SPEF2: variants seen among roughly 807,000 people sequenced by gnomAD.
SPEF2 encodes sperm flagella and cilia-associated protein 2.
A neutral mutation model predicts 224.6 loss-of-function variants in SPEF2; 187 were observed. That is an observed-to-expected ratio of 0.83 (90% confidence interval 0.74 to 0.94). The LOEUF is 0.94. Among genes scored for constraint, SPEF2 ranks in the 40% least tolerant of loss-of-function variants. The probability of loss-of-function intolerance (pLI) is 0.00; values close to 1 mark genes in which losing one functional copy is unlikely to be tolerated. For missense variants in SPEF2, 2,170 were observed against 2,135.6 expected (o/e 1.02, Z -0.32); for synonymous variants, 715 against 707.3 (o/e 1.01, Z -0.17).
At chr5:35,807,083 C>T in intron 35 of SPEF2, 48 bp from the exon 36 acceptor site, 1 of 1,583,976 alleles carries the variant, frequency 6.3e-7, no homozygotes, top group Non-Finnish European at 8.5e-7. Flanking sequence ...TTTTTAACAT[C>T]TACTGGATTG....
intron 30 of SPEF2, chr5:35,789,663 G>A (rs536235523): frequency 7.2e-5 from 46 of 637,114 alleles, no homozygotes; most frequent in Admixed American, 1.6e-4. Context: ...GAGGGCTACC[G>A]TGATTGGAAG....
chr5:35,673,695 G>GTTTTTTGCC (rs1751494552), intron 10 of SPEF2, among the ~76,000 whole-genome samples: 2 of 152,138 alleles, frequency 1.3e-5, no homozygotes, highest in Non-Finnish European at 2.9e-5. Flanking sequence ...GCAAATTAGT[G>GTTTTTTGCC]TTTAAGTTCA....
chr5:35,743,517 A>T (rs1359855906), intron 23 of SPEF2, among the ~76,000 whole-genome samples: 2 of 152,184 alleles, frequency 1.3e-5, no homozygotes, highest in Non-Finnish European at 2.9e-5. Flanking sequence ...TTAGCAGTGG[A>T]TCTTCAGCAA....
At chr5:35,731,786 A>G (rs1745683077) in intron 21 of SPEF2, among the ~76,000 whole-genome samples, 1 of 152,174 alleles carries the variant, frequency 6.6e-6, no homozygotes, top group Non-Finnish European at 1.5e-5. Context: ...CAAAGGGAAA[A>G]CTATTTAATT....
At chr5:35,647,098 C>T (rs1747482810) in intron 5 of SPEF2, among the ~76,000 whole-genome samples, 1 of 152,196 alleles carries the variant, frequency 6.6e-6, no homozygotes, top group Admixed American at 6.5e-5. Flanking sequence ...CAAAGTAGGT[C>T]AGAATGGGTG....
chr5:35,768,062 T>C lies in SPEF2; in HGVS notation c.3802-3547T>C, dbSNP rs73086287. On this transcript the variant is annotated intron_variant, in intron 26 of 36. Coordinates refer to ENST00000356031, the MANE Select transcript of SPEF2 (RefSeq NM_024867.4). ...TGTTATTGTTGTTGTTGTTTTGTAATCTGTATTTTGTTAGTTGTTAGTCTG... is the reference window on the plus strand; with the variant it reads ...TGTTATTGTTGTTGTTGTTTTGTAACCTGTATTTTGTTAGTTGTTAGTCTG... Among the ~76,000 whole-genome samples, 228 of 152,262 alleles carry C rather than the reference T, an allele frequency of 1.5e-3. 2 individuals carry two copies. The highest frequency in any genetic ancestry group is 5.3e-3 in the African/African-American group (222 of 41,578).
At chr5:35,675,808 G>C (rs1039804405) in intron 10 of SPEF2, 4 of 402,764 alleles carry the variant, frequency 9.9e-6, no homozygotes, top group Non-Finnish European at 2.0e-5. Flanking sequence ...TTTTCAAAGA[G>C]GGCTCTATTT....
At chr5:35,750,997 G>GTA (rs70973058) in intron 23 of SPEF2, among the ~76,000 whole-genome samples, 28 of 28,942 alleles carry the variant, frequency 9.7e-4, no homozygotes, top group South Asian at 2.7e-3. Flanking sequence ...ATATATATAT[G>GTA]TATATATATA....
Position 35,695,794 on chromosome 5 carries a change from AAAGT to A in SPEF2, c.2037+4_2037+7del. On this transcript the variant is annotated splice_donor_variant and coding_sequence_variant, in exon 14 of 37. Coordinates refer to ENST00000356031, the MANE Select transcript of SPEF2 (RefSeq NM_024867.4). LOFTEE classifies it high-confidence loss of function. ...AGTCAAATCAAGTGATAGTTTCTTA[AAAGT>A]AAGTATTATGATCTAATTTTAGCTA... The A allele has an allele frequency of 6.2e-7, 1 of 1,604,040 alleles. No homozygotes were observed. Among genetic ancestry groups the A allele is most frequent in the Non-Finnish European group, 8.5e-7 (1 of 1,173,950 alleles).
At chr5:35,654,409 C>T in intron 6 of SPEF2, 131 bp from the exon 7 acceptor site, 4 of 669,920 alleles carry the variant, frequency 6.0e-6, no homozygotes, top group Non-Finnish European at 9.2e-6. Context: ...ATATTTTCTT[C>T]AATGCTTGTA....
At chr5:35,651,570 C>T (rs1748189140) in intron 6 of SPEF2, among the ~76,000 whole-genome samples, 1 of 152,154 alleles carries the variant, frequency 6.6e-6, no homozygotes, top group African/African-American at 2.4e-5. Flanking sequence ...TTCAAGAAAA[C>T]AGAGGCTATG....
chr5:35,674,337 CTTTTTTTTT>C (rs35129181), intron 10 of SPEF2, among the ~76,000 whole-genome samples: 2 of 94,464 alleles, frequency 2.1e-5, no homozygotes, highest in Admixed American at 1.1e-4. Flanking sequence ...TTTTCGTCTT[CTTTTTTTTT>C]TTTTTTTTTT....
At chr5:35,630,564 C>T (rs749645643) in intron 2 of SPEF2, among the ~76,000 whole-genome samples, 2 of 152,012 alleles carry the variant, frequency 1.3e-5, no homozygotes, top group South Asian at 2.1e-4. Context: ...GGCATGGTGG[C>T]GGGCGTCTGT....
chr5:35,693,590 C>A (rs993790637), intron 12 of SPEF2, among the ~76,000 whole-genome samples: 2 of 152,144 alleles, frequency 1.3e-5, no homozygotes, highest in Non-Finnish European at 2.9e-5. Context: ...CTTCATTCTG[C>A]AGAGCACACA....
chr5:35,751,008 T>TATACGTATATAC (rs1749365542), intron 23 of SPEF2, among the ~76,000 whole-genome samples: 1 of 119,198 alleles, frequency 8.4e-6, no homozygotes. Flanking sequence ...TATATATATA[T>TATACGTATATAC]ATACGTATAT....
rs1334395980 is a variant in SPEF2, at chr5:35,617,964, G to GC, written c.-29dup. On this transcript the variant is annotated 5_prime_UTR_variant, in exon 1 of 37. Transcript: ENST00000356031. ...GGCTTGGTTCCTGGCGAGTTTCTAA[G>GC]CCCCCGCCTGCGGTCTGAGGCACCG... 6.4e-7 allele frequency: 1 copy of GC among 1,558,790 alleles called. No individual in the cohort carries two copies. The highest frequency in any genetic ancestry group is 8.7e-7 in the Non-Finnish European group (1 of 1,149,602).
intron 18 of SPEF2, among the ~76,000 whole-genome samples, chr5:35,708,089 T>C (rs533744939): frequency 2.1e-4 from 32 of 152,318 alleles, no homozygotes; most frequent in African/African-American, 7.0e-4. Context: ...GAACTATTGT[T>C]TGCAATATTA....
chr5:35,680,429 G>A (rs1323360738), intron 10 of SPEF2, among the ~76,000 whole-genome samples: 1 of 152,124 alleles, frequency 6.6e-6, no homozygotes, highest in South Asian at 2.1e-4. Context: ...TTTGTACTTA[G>A]TTAAAATTAC....
At chr5:35,808,429 A>G (rs939544497) in intron 36 of SPEF2, among the ~76,000 whole-genome samples, 16 of 151,820 alleles carry the variant, frequency 1.1e-4, no homozygotes, top group African/African-American at 3.9e-4. Context: ...GCCCCAGTGT[A>G]TGATGTTCAC....
Sources: gnomAD v4.1 joint callset for allele counts (sites outside exome capture counted in the v4.1 genomes callset) on GRCh38, gnomAD v4.1.1 for gene constraint, MANE v1.5 for transcripts, NCBI Gene and HGNC (gene_info 2026-07-23, HGNC 2026-07-21) for gene names.